Variants in TRPC5 observed in about 807,000 individuals in gnomAD.
TRPC5 encodes the protein transient receptor potential cation channel subfamily C member 5, also known as short transient receptor potential channel 5.
A neutral mutation model predicts 56.5 loss-of-function variants in TRPC5; 9 were observed. That is an observed-to-expected ratio of 0.16 (90% CI 0.10 to 0.28). The LOEUF (loss-of-function observed/expected upper bound fraction) is 0.28, where lower values mean the gene tolerates loss of function less well. Ranked by LOEUF, TRPC5 falls within the 10% of genes least tolerant of loss-of-function variation. TRPC5 has a pLI of 1.00. For synonymous variants in TRPC5, 282 were observed against 278.5 expected (o/e 1.01, Z -0.13); for missense variants, 469 against 748.9 (o/e 0.63, Z 4.36).
At chrX:112,065,510 G>C (rs890775430) in intron 1 of TRPC5, among the ~76,000 whole-genome samples, 1 of 111,396 alleles carries the variant, frequency 9.0e-6, no homozygotes, top group African/African-American at 3.3e-5. Flanking sequence ...GGTCTCCTTG[G>C]CTTCATGGTC....
intron 3 of TRPC5, among the ~76,000 whole-genome samples, chrX:111,905,384 A>T (rs1347258203): frequency 9.0e-6 from 1 of 110,770 alleles, no homozygotes; most frequent in Non-Finnish European, 1.9e-5. Flanking sequence ...ACCAACCAAC[A>T]GAAAATCCCT....
intron 3 of TRPC5, among the ~76,000 whole-genome samples, chrX:111,875,188 A>C (rs1274807197): frequency 1.8e-5 from 2 of 112,207 alleles, no homozygotes; most frequent in African/African-American, 6.5e-5. Context: ...GGCACATAGT[A>C]AACTCTTAAA....
Position 111,926,841 on chromosome X carries a change from A to C in TRPC5, c.379-14029T>G, listed in dbSNP as rs1488410481. Among the ~76,000 whole-genome samples the C allele has an allele frequency of 2.7e-5, 3 of 112,331 alleles. No homozygotes were observed. In the Admixed American group the frequency reaches 2.8e-4, roughly 11 times the overall value. ...GCTTGGGTTGTTAAACAAGCATGCT[A>C]TACAGACTCAAGGTGGTCAGGTGGG... is the stretch of plus-strand genomic sequence containing the variant. On this transcript the variant is annotated intron_variant, in intron 2 of 10. Coordinates refer to ENST00000262839, the MANE Select transcript of TRPC5 (RefSeq NM_012471.3).
intron 1 of TRPC5, among the ~76,000 whole-genome samples, chrX:111,986,419 T>C (rs1209128941): frequency 9.1e-6 from 1 of 110,474 alleles, no homozygotes; most frequent in African/African-American, 3.3e-5. Flanking sequence ...TGGAGTATAG[T>C]ATACCTCCTC....
intron 1 of TRPC5, among the ~76,000 whole-genome samples, chrX:112,059,675 GTGTT>G (rs1466906315): frequency 8.9e-6 from 1 of 111,920 alleles, no homozygotes; most frequent in Non-Finnish European, 1.9e-5. Flanking sequence ...TCAGGCTAAA[GTGTT>G]TGTTTCCAAA....
At chrX:111,825,623 C>A (rs774668500) in intron 7 of TRPC5, among the ~76,000 whole-genome samples, 1 of 111,446 alleles carries the variant, frequency 9.0e-6, no homozygotes, top group South Asian at 3.8e-4. Flanking sequence ...TAAGATCTGA[C>A]AAGTTAAAAA....
At chrX:111,818,604 C>CTTT (rs755881697) in intron 7 of TRPC5, among the ~76,000 whole-genome samples, 1 of 93,597 alleles carries the variant, frequency 1.1e-5, no homozygotes. Context: ...TTCTTTTTCT[C>CTTT]TTTTTTTTTT....
chrX:112,013,026 A>G (rs990296387), intron 1 of TRPC5, among the ~76,000 whole-genome samples: 1 of 112,423 alleles, frequency 8.9e-6, no homozygotes. Context: ...TTGATCCTGT[A>G]TATAAAATGT....
intron 2 of TRPC5, among the ~76,000 whole-genome samples, chrX:111,942,971 G>C (rs998073046): frequency 5.4e-5 from 6 of 111,710 alleles, no homozygotes; most frequent in African/African-American, 9.8e-5. Context: ...TTAGTCAGCA[G>C]GTGATTTGAG....
chrX:111,793,334 A>G (rs1205434190), intron 7 of TRPC5, among the ~76,000 whole-genome samples: 3 of 112,125 alleles, frequency 2.7e-5, no homozygotes, highest in Non-Finnish European at 5.6e-5. Flanking sequence ...AATTTATAAA[A>G]AAAATAATTA....
At chrX:111,918,528 C>T (rs1199671273) in intron 2 of TRPC5, among the ~76,000 whole-genome samples, 2 of 110,320 alleles carry the variant, frequency 1.8e-5, no homozygotes, top group Non-Finnish European at 3.8e-5. Context: ...TTCTCTCTAG[C>T]AGCTTTGACA....
intron 2 of TRPC5, among the ~76,000 whole-genome samples, chrX:111,938,552 A>G (rs1926670772): frequency 9.0e-6 from 1 of 111,389 alleles, no homozygotes; most frequent in East Asian, 2.8e-4. Flanking sequence ...AGTTTTTAGC[A>G]TGAAGGGTTG....
chrX:111,869,395 T>C (rs1241187730), intron 3 of TRPC5, among the ~76,000 whole-genome samples: 1 of 111,749 alleles, frequency 8.9e-6, no homozygotes. Flanking sequence ...GGCTCTGTTG[T>C]TGCAATTAGC....
At chrX:111,831,510 A>G (rs182281580) in intron 7 of TRPC5, among the ~76,000 whole-genome samples, 1 of 111,697 alleles carries the variant, frequency 9.0e-6, no homozygotes, top group Admixed American at 9.5e-5. Context: ...TTTGTTTGGA[A>G]GAATGTCGTC....
At chrX:111,786,454 C>T (rs1945966151) in intron 7 of TRPC5, among the ~76,000 whole-genome samples, 2 of 111,611 alleles carry the variant, frequency 1.8e-5, no homozygotes, top group African/African-American at 3.3e-5. Flanking sequence ...CTAGCCACTG[C>T]AAAAATATGC....
chrX:111,768,221 A>T lies in TRPC5; in HGVS notation c.*8092T>A, dbSNP rs1432681573. Among the ~76,000 whole-genome samples, 1 of 112,241 alleles carries T rather than the reference A, an allele frequency of 8.9e-6. No homozygotes were observed. Among genetic ancestry groups the T allele is most frequent in the Non-Finnish European group, 1.9e-5 (1 of 53,171 alleles). On this transcript the variant is annotated 3_prime_UTR_variant, in exon 11 of 11. Transcript: ENST00000262839. ...GTGTCATTTACACAGACACATTTGG[A>T]ATTTTCCCTTTTCATGATTATGCTC...
At chrX:111,945,023 G>A (rs1006651008) in intron 2 of TRPC5, among the ~76,000 whole-genome samples, 1 of 111,055 alleles carries the variant, frequency 9.0e-6, no homozygotes, top group Non-Finnish European at 1.9e-5. Context: ...AGGTTGGGGT[G>A]CATTTGTTAA....
At chrX:111,825,146 CCTTT>C (rs570710450) in intron 7 of TRPC5, among the ~76,000 whole-genome samples, 5,268 of 58,816 alleles carry the variant, frequency 0.09, 298 homozygotes, top group South Asian at 0.14. Flanking sequence ...TTCCTTCCTT[CCTTT>C]CTTTCTTTCT....
chrX:112,074,504 T>G (rs1308598371), intron 1 of TRPC5, among the ~76,000 whole-genome samples: 2 of 110,670 alleles, frequency 1.8e-5, no homozygotes, highest in African/African-American at 3.3e-5. Context: ...CATTATTTCT[T>G]TTTTTAAAAT....
Sources: gnomAD v4.1 joint callset for allele counts (sites outside exome capture counted in the v4.1 genomes callset) on GRCh38, gnomAD v4.1.1 for gene constraint, MANE v1.5 for transcripts, NCBI Gene and HGNC (gene_info 2026-07-23, HGNC 2026-07-21) for gene names.